CDYL2: variants seen among roughly 807,000 people sequenced by gnomAD.
The protein encoded by CDYL2 is chromodomain Y like 2.
In CDYL2, 23 loss-of-function variants were observed where a neutral mutation model predicts 49.4. The ratio of observed to expected loss-of-function variants is 0.47; its 90% CI spans 0.34 to 0.66. The LOEUF is 0.66. Among genes scored for constraint, CDYL2 ranks in the 30% least tolerant of loss-of-function variants. CDYL2 has a pLI of 0.01. For missense variants in CDYL2, 678 were observed against 656.4 expected (o/e 1.03, Z -0.36); for synonymous variants, 360 against 268.8 (o/e 1.34, Z -3.32).
At chr16:80,756,696 T>C (rs8182227) in intron 1 of CDYL2, among the ~76,000 whole-genome samples, 28,829 of 152,056 alleles carry the variant, frequency 0.19, 4,438 homozygotes, top group African/African-American at 0.43. Flanking sequence ...TAATGCACAG[T>C]ACACACTAAA....
In CDYL2 at chr16:80,664,228, A is replaced by C. The variant is rs566955748; in HGVS notation, c.616+20310T>G. 9.2e-5 allele frequency among the ~76,000 whole-genome samples: 14 copies of C among 152,272 alleles called. No homozygotes were observed. The East Asian group carries it at 2.7e-3, about 29-fold the overall frequency. ...CCCCATAAACACCTTAACTTCCAGG[A>C]CTGTCTGAGGTTCTCCGAAACTGAG... On this transcript the variant is annotated intron_variant, in intron 2 of 6. Transcript: ENST00000570137.
chr16:80,801,014 T>G (rs1036492640), intron 1 of CDYL2, among the ~76,000 whole-genome samples: 2 of 152,170 alleles, frequency 1.3e-5, no homozygotes, highest in African/African-American at 4.8e-5. Flanking sequence ...TCTAAAAGTG[T>G]TCAAATCGTT....
At chr16:80,781,992 T>G (rs1221452734) in intron 1 of CDYL2, among the ~76,000 whole-genome samples, 1 of 150,742 alleles carries the variant, frequency 6.6e-6, no homozygotes, top group Non-Finnish European at 1.5e-5. Context: ...TTGAGTAAAT[T>G]TAAAAAAGAG....
chr16:80,639,791 C>T (rs1202962175), intron 2 of CDYL2: 11 of 452,042 alleles, frequency 2.4e-5, no homozygotes, highest in African/African-American at 1.0e-4. Flanking sequence ...ATGGAAAGCA[C>T]GTTTGTGCAC....
intron 1 of CDYL2, among the ~76,000 whole-genome samples, chr16:80,777,252 T>C (rs111365413): frequency 6.6e-6 from 1 of 152,138 alleles, no homozygotes; most frequent in Non-Finnish European, 1.5e-5. Context: ...TTTTTAAAAC[T>C]ATGTGTCGAG....
chr16:80,749,537 ATT>A (rs1906056381), intron 1 of CDYL2, among the ~76,000 whole-genome samples: 1 of 152,024 alleles, frequency 6.6e-6, no homozygotes, highest in African/African-American at 2.4e-5. Flanking sequence ...TACGCAAATT[ATT>A]TATCTTAGCA....
chr16:80,803,503 C>G (rs987169662), intron 1 of CDYL2, among the ~76,000 whole-genome samples: 5 of 152,036 alleles, frequency 3.3e-5, no homozygotes, highest in African/African-American at 1.2e-4. Context: ...GGAGGGCGTC[C>G]GAGCTGGTGC....
chr16:80,653,299 C>T (rs1908665400), intron 2 of CDYL2, among the ~76,000 whole-genome samples: 1 of 152,150 alleles, frequency 6.6e-6, no homozygotes, highest in African/African-American at 2.4e-5. Context: ...TATTCTATCT[C>T]TACTAAAAAC....
intron 1 of CDYL2, among the ~76,000 whole-genome samples, chr16:80,770,340 C>A (rs1332085888): frequency 9.2e-5 from 14 of 152,116 alleles, no homozygotes; most frequent in Non-Finnish European, 2.1e-4. Context: ...AGAAATCTTA[C>A]AAGAACCAGA....
intron 2 of CDYL2, among the ~76,000 whole-genome samples, chr16:80,641,548 C>T (rs1053600913): frequency 2.6e-5 from 4 of 151,908 alleles, no homozygotes; most frequent in East Asian, 1.9e-4. Flanking sequence ...ACATATACAC[C>T]GTGGAATACT....
intron 1 of CDYL2, among the ~76,000 whole-genome samples, chr16:80,764,094 T>C (rs1177641765): frequency 1.3e-5 from 2 of 152,332 alleles, no homozygotes; most frequent in Middle Eastern, 3.4e-3. Context: ...TGATTTAATA[T>C]GTTAAAAGAC....
chr16:80,715,227 G>A (rs1282008923), intron 1 of CDYL2, among the ~76,000 whole-genome samples: 2 of 152,078 alleles, frequency 1.3e-5, no homozygotes, highest in Non-Finnish European at 2.9e-5. Flanking sequence ...AGGCACTGAC[G>A]TGGGCTCCAC....
chr16:80,606,400 C>A (rs565875584), intron 6 of CDYL2, among the ~76,000 whole-genome samples: 1 of 152,170 alleles, frequency 6.6e-6, no homozygotes, highest in Admixed American at 6.5e-5. Context: ...TCACCTGAGC[C>A]TCTCTTCCCT....
At chr16:80,731,303 A>G (rs1276280267) in intron 1 of CDYL2, among the ~76,000 whole-genome samples, 1 of 152,182 alleles carries the variant, frequency 6.6e-6, no homozygotes, top group Non-Finnish European at 1.5e-5. Context: ...CTTCTGAAAT[A>G]TAAGACAGTA....
chr16:80,683,168 C>T (rs1441449843), intron 2 of CDYL2, among the ~76,000 whole-genome samples: 3 of 152,248 alleles, frequency 2.0e-5, no homozygotes, highest in Admixed American at 6.5e-5. Context: ...CCAAGCATCC[C>T]GGTCTCCACA....
intron 4 of CDYL2, among the ~76,000 whole-genome samples, chr16:80,615,537 C>G (rs1239628153): frequency 1.3e-5 from 2 of 152,112 alleles, no homozygotes; most frequent in Non-Finnish European, 2.9e-5. Context: ...CCGTGCCTGT[C>G]AAGACAGCCT....
intron 1 of CDYL2, among the ~76,000 whole-genome samples, chr16:80,723,458 A>G (rs1296221892): frequency 6.6e-6 from 1 of 152,214 alleles, no homozygotes; most frequent in East Asian, 1.9e-4. Context: ...TCCGGCTTCT[A>G]AACTCCAGGT....
chr16:80,632,859 T>A, intron 3 of CDYL2, 160 bp downstream of exon 3: 1 of 633,506 alleles, frequency 1.6e-6, no homozygotes, highest in Non-Finnish European at 2.8e-6. Context: ...GGATAATGTA[T>A]GTAAAATGAT....
intron 6 of CDYL2, among the ~76,000 whole-genome samples, chr16:80,606,670 G>A (rs527696802): frequency 2.3e-4 from 35 of 152,324 alleles, no homozygotes; most frequent in African/African-American, 8.2e-4. Flanking sequence ...GTTTGCCTGT[G>A]TCCCAACCCA....
Sources: allele counts gnomAD v4.1 joint callset (sites outside exome capture counted in the v4.1 genomes callset), GRCh38; gene constraint gnomAD v4.1.1; transcripts MANE v1.5; gene names NCBI Gene and HGNC (gene_info 2026-07-23, HGNC 2026-07-21).